Variants in ADAMTS17 observed in about 807,000 individuals in gnomAD.
ADAMTS17 encodes A disintegrin and metalloproteinase with thrombospondin motifs 17.
Under a neutral mutation model 141.5 loss-of-function variants are expected in ADAMTS17, and 113 were observed. That is an observed-to-expected ratio of 0.80 (90% CI 0.69 to 0.93). The LOEUF is 0.93. Among genes scored for constraint, ADAMTS17 ranks in the 40% least tolerant of loss-of-function variants. The pLI is 0.00. For missense variants in ADAMTS17, 1,659 were observed against 1,517.9 expected, an observed-to-expected ratio of 1.09 and a Z score of -1.54; for synonymous variants, 768 against 630.6, an observed-to-expected ratio of 1.22 and a Z score of -3.27.
At position 100,054,003 on chromosome 15, in the gene ADAMTS17, A is replaced by G; in HGVS notation, c.2189T>C (p.Leu730Pro). 6.2e-7 allele frequency: 1 copy of G among 1,614,132 alleles called. No individual in the cohort carries two copies. Among genetic ancestry groups the G allele is most frequent in the Non-Finnish European group, 8.5e-7 (1 of 1,180,020 alleles). ...GSINSDWKIELPGEFQIAGTT... is the reference protein window; with the variant it reads ...GSINSDWKIEPPGEFQIAGTT... ...GCCTGCAATCTGGAACTCTCCGGGG[A>G]GCTCTATCTTCCAGTCACTGTTGAT... Residue 730 changes from leucine (L) to proline (P), a missense_variant, in exon 16 of 22, where the codon CTC becomes CCC. By Grantham distance (98) the Leu-to-Pro change is moderately conservative (BLOSUM62 -3). Coordinates refer to ENST00000268070, the MANE Select transcript of ADAMTS17 (RefSeq NM_139057.4).
intron 7 of ADAMTS17, among the ~76,000 whole-genome samples, chr15:100,230,454 G>A (rs2141843407): frequency 6.6e-6 from 1 of 152,336 alleles, no homozygotes. Flanking sequence ...AAACCTCACA[G>A]CAGGGAGGGA....
At chr15:100,181,375 A>G (rs1034202034) in intron 8 of ADAMTS17, among the ~76,000 whole-genome samples, 1 of 152,204 alleles carries the variant, frequency 6.6e-6, no homozygotes, top group Non-Finnish European at 1.5e-5. Context: ...TTTCTCAAGC[A>G]GAAGGAGTCT....
intron 8 of ADAMTS17, among the ~76,000 whole-genome samples, chr15:100,187,767 G>A (rs2040771939): frequency 6.6e-6 from 1 of 152,178 alleles, no homozygotes; most frequent in Admixed American, 6.5e-5. Context: ...CAGTGAGGGT[G>A]GGAAGAAGAC....
intron 12 of ADAMTS17, among the ~76,000 whole-genome samples, chr15:100,123,589 A>G (rs1367011095): frequency 1.3e-5 from 2 of 152,204 alleles, no homozygotes; most frequent in African/African-American, 2.4e-5. Flanking sequence ...ACTTTCACAT[A>G]AACAGTGATC....
intron 3 of ADAMTS17, among the ~76,000 whole-genome samples, chr15:100,316,187 G>T (rs1219075632): frequency 4.6e-5 from 7 of 152,178 alleles, no homozygotes; most frequent in Admixed American, 4.6e-4. Flanking sequence ...TCTGCCACTG[G>T]CTGCCTCCCC....
intron 18 of ADAMTS17, among the ~76,000 whole-genome samples, chr15:100,019,282 C>CA: frequency 1.3e-5 from 2 of 152,086 alleles, no homozygotes; most frequent in East Asian, 3.9e-4. Context: ...GAGATGCATA[C>CA]ATACCAACAG....
chr15:100,069,091 C>A (rs529195950), intron 15 of ADAMTS17, among the ~76,000 whole-genome samples: 2 of 152,070 alleles, frequency 1.3e-5, no homozygotes, highest in South Asian at 2.1e-4. Flanking sequence ...AACTACGTGA[C>A]GAATGCAGAA....
chr15:100,121,267 G>T (rs762122286), intron 12 of ADAMTS17, among the ~76,000 whole-genome samples: 5 of 152,316 alleles, frequency 3.3e-5, no homozygotes, highest in South Asian at 4.1e-4. Flanking sequence ...AGAAAAAAGA[G>T]AGAAAGGGTT....
chr15:100,077,321 GC>G (rs2034448332), intron 15 of ADAMTS17, among the ~76,000 whole-genome samples: 1 of 146,076 alleles, frequency 6.8e-6, no homozygotes, highest in African/African-American at 2.5e-5. Context: ...AATTAGCCTG[GC>G]ATGGTGGTGC....
chr15:100,168,907 C>A (rs2040053326), intron 8 of ADAMTS17, among the ~76,000 whole-genome samples: 2 of 152,214 alleles, frequency 1.3e-5, no homozygotes, highest in Non-Finnish European at 2.9e-5. Context: ...CTCCCCTTGC[C>A]CCCCAGGTGC....
At chr15:100,010,254 C>A (rs886273156) in intron 18 of ADAMTS17, among the ~76,000 whole-genome samples, 1 of 152,194 alleles carries the variant, frequency 6.6e-6, no homozygotes, top group African/African-American at 2.4e-5. Context: ...AGCATGAGAA[C>A]AGACTAATAC....
intron 18 of ADAMTS17, among the ~76,000 whole-genome samples, chr15:100,021,747 T>C (rs1455182957): frequency 6.6e-6 from 1 of 152,212 alleles, no homozygotes; most frequent in Non-Finnish European, 1.5e-5. Flanking sequence ...CCAGGGTAGA[T>C]GAAGGTAAGG....
chr15:100,012,971 T>C (rs141324996), intron 18 of ADAMTS17, among the ~76,000 whole-genome samples: 309 of 152,358 alleles, frequency 2.0e-3, no homozygotes, highest in African/African-American at 7.1e-3. Context: ...TAGATTGCTT[T>C]TGGCAGTATG....
At chr15:100,196,567 A>T (rs1015603009) in intron 8 of ADAMTS17, among the ~76,000 whole-genome samples, 1 of 152,268 alleles carries the variant, frequency 6.6e-6, no homozygotes, top group Non-Finnish European at 1.5e-5. Flanking sequence ...CCTTCCCTCC[A>T]GAAATGTTTC....
At chr15:100,105,689 T>C (rs976616148) in intron 14 of ADAMTS17, among the ~76,000 whole-genome samples, 14 of 151,616 alleles carry the variant, frequency 9.2e-5, no homozygotes, top group Non-Finnish European at 1.3e-4. Flanking sequence ...GCTAGCTCTC[T>C]TATTTTTATT....
chr15:100,212,901 C>T (rs923984226), intron 7 of ADAMTS17, among the ~76,000 whole-genome samples: 5 of 152,060 alleles, frequency 3.3e-5, no homozygotes, highest in African/African-American at 9.6e-5. Flanking sequence ...TAGGGTGACG[C>T]GTACCTTTTT....
intron 7 of ADAMTS17, among the ~76,000 whole-genome samples, chr15:100,240,086 G>C (rs183378945): frequency 5.9e-5 from 9 of 152,178 alleles, no homozygotes; most frequent in Non-Finnish European, 8.8e-5. Context: ...AGCATGGGGG[G>C]ATCCAATCAT....
At chr15:100,229,445 C>A (rs1320796519) in intron 7 of ADAMTS17, among the ~76,000 whole-genome samples, 1 of 152,184 alleles carries the variant, frequency 6.6e-6, no homozygotes, top group Non-Finnish European at 1.5e-5. Flanking sequence ...ATGGGACAAT[C>A]ACTCTTATTT....
At chr15:100,002,259 G>A (rs558058493) in intron 18 of ADAMTS17, among the ~76,000 whole-genome samples, 308 of 152,050 alleles carry the variant, frequency 2.0e-3, no homozygotes, top group Non-Finnish European at 3.8e-3. Flanking sequence ...CCTGTTTGGC[G>A]CTATTGTGCT....
Sources: gnomAD v4.1 joint callset for allele counts (sites outside exome capture counted in the v4.1 genomes callset) on GRCh38, gnomAD v4.1.1 for gene constraint, MANE v1.5 for transcripts, NCBI Gene and HGNC (gene_info 2026-07-23, HGNC 2026-07-21) for gene names.